Variants in SIM2 observed in about 807,000 individuals in gnomAD.
SIM2 encodes SIM bHLH transcription factor 2.
A neutral mutation model predicts 64.8 loss-of-function variants in SIM2; 28 were observed. That is an observed-to-expected ratio of 0.43 (90% CI 0.32 to 0.59). The LOEUF (loss-of-function observed/expected upper bound fraction) is 0.59, where lower values mean the gene tolerates loss of function less well. Ranked by LOEUF, SIM2 falls within the 20% of genes least tolerant of loss-of-function variation. The pLI is 0.07. For missense variants in SIM2, 847 were observed against 871.4 expected (o/e 0.97, Z 0.35); for synonymous variants, 408 against 391.1 (o/e 1.04, Z -0.51).
At chr21:36,704,401 G>C (rs927650373) in intron 1 of SIM2, among the ~76,000 whole-genome samples, 1 of 152,224 alleles carries the variant, frequency 6.6e-6, no homozygotes, top group African/African-American at 2.4e-5. Context: ...TTTTTACAAC[G>C]CTTTCCCCGT....
chr21:36,742,965 C>T (rs183191979), intron 8 of SIM2, among the ~76,000 whole-genome samples: 106 of 152,326 alleles, frequency 7.0e-4, no homozygotes, highest in South Asian at 2.1e-4. Context: ...GGTGGTCAGG[C>T]TCCCAGACCT....
chr21:36,709,569 G>C (rs1218209224), intron 2 of SIM2: 1 of 497,870 alleles, frequency 2.0e-6, no homozygotes, highest in Non-Finnish European at 3.8e-6. Flanking sequence ...TCCCTCAGCA[G>C]GTTCCACCCA....
rs1416028155 is a variant in SIM2 at position 36,699,407 on chromosome 21, G to T, written c.-340G>T. On this transcript the variant is annotated 5_prime_UTR_variant, in exon 1 of 11. Transcript: ENST00000290399. The surrounding 1 kb of genome is among the most constrained non-coding windows in gnomAD (Gnocchi z 5.6). ...AAGCAGCGCCTCCGCCTCCGCGCCG[G>T]CCGCCCCCACCCCCCAGGAAGGCCG... 1.2e-5 allele frequency: 2 copies of T among 171,812 alleles called. No individual in the cohort carries two copies. The highest frequency in any genetic ancestry group is 2.4e-5 in the Non-Finnish European group (2 of 82,772). 10.6% of individuals were successfully genotyped at this position (171,812 alleles called of 1,614,324 possible). A position where few individuals can be genotyped will look rare whatever the true frequency, so the allele number is the denominator to read the frequency against.
chr21:36,713,322 G>C (rs2088701340), intron 3 of SIM2, among the ~76,000 whole-genome samples: 1 of 152,162 alleles, frequency 6.6e-6, no homozygotes, highest in Non-Finnish European at 1.5e-5. Flanking sequence ...ACTCAGCTTT[G>C]TCTCTCCCTG....
At chr21:36,729,223 G>A (rs1054896971) in intron 6 of SIM2, among the ~76,000 whole-genome samples, 6 of 152,164 alleles carry the variant, frequency 3.9e-5, no homozygotes, top group African/African-American at 9.7e-5. Flanking sequence ...ATCCCCACAC[G>A]GTAGAGATGC....
At chr21:36,743,036 G>C (rs975021193) in intron 8 of SIM2, among the ~76,000 whole-genome samples, 2 of 152,176 alleles carry the variant, frequency 1.3e-5, no homozygotes, top group Non-Finnish European at 2.9e-5. Flanking sequence ...TGGGCCACAG[G>C]TGTGCATGTT....
chr21:36,740,406 G>A, intron 7 of SIM2, among the ~76,000 whole-genome samples: 1 of 152,184 alleles, frequency 6.6e-6, no homozygotes, highest in Non-Finnish European at 1.5e-5. Flanking sequence ...AAACAAGGGA[G>A]TTGGGCATTT....
At position 36,730,873 on chromosome 21, in the gene SIM2, G is replaced by C. The variant is rs2088957092; in HGVS notation, c.744-172G>C. On this transcript the variant is annotated intron_variant, in intron 6 of 10. Transcript: ENST00000290399. ...CATGAATAGTGCTACATCCTGCACC[G>C]GGCTCGAGTTCAAAGACTTGCTTCT... is the stretch of plus-strand genomic sequence containing the variant. 2.0e-5 allele frequency among the ~76,000 whole-genome samples: 3 copies of C among 152,226 alleles called. No individual in the cohort carries two copies. In the South Asian group the frequency reaches 6.2e-4, roughly 32 times the overall value.
Position 36,747,908 on chromosome 21 carries a change from C to G in SIM2, c.1820C>G (p.Ala607Gly). The change falls in exon 11 of 11, where the codon GCC becomes GGC. Residue 607 changes from alanine to glycine, a missense_variant. Ala to Gly is a moderately conservative substitution (Grantham distance 60). This residue lies in a region of SIM2 where 447 missense variants were observed against 414.6 expected (regional missense o/e 1.08). Coordinates refer to ENST00000290399, the MANE Select transcript of SIM2 (RefSeq NM_005069.6). This position sits in a 1 kb window ranked among gnomAD's most constrained non-coding sequence, Gnocchi z 4.5. ...CTGCTCAACTACCACCGCGTGCTGG[C>G]CCGGCGCGGACCGCTGGGGGGCGCC... ...FVLLNYHRVLARRGPLGGAAP... is the reference protein window; with the variant it reads ...FVLLNYHRVLGRRGPLGGAAP... The G allele has an allele frequency of 9.4e-7, 1 of 1,061,686 alleles. No individual in the cohort carries two copies. Among genetic ancestry groups the G allele is most frequent in the South Asian group, 2.6e-5 (1 of 38,580 alleles). 65.8% of individuals were successfully genotyped at this position (1,061,686 alleles called of 1,614,324 possible).
rs1203174434 is a variant in SIM2, at chr21:36,726,462, G to A, written c.743+144G>A. ...TGTGGATTAAGCAAAACCAATTTATGAACTGAAAGAACATATGTCAGCCTT... is the reference window on the plus strand; with the variant it reads ...TGTGGATTAAGCAAAACCAATTTATAAACTGAAAGAACATATGTCAGCCTT... On this transcript the variant is annotated intron_variant, in intron 6 of 10. Coordinates refer to ENST00000290399, the MANE Select transcript of SIM2 (RefSeq NM_005069.6). This position sits in a 1 kb window ranked among gnomAD's most constrained non-coding sequence, Gnocchi z 4.5. 1.7e-5 allele frequency: 11 copies of A among 650,632 alleles called. No homozygotes were observed. Among genetic ancestry groups the A allele is most frequent in the Non-Finnish European group, 2.6e-5 (10 of 381,156 alleles). The allele number at this position is 650,632 out of a possible 1,614,324, so 40.3% of individuals were successfully genotyped here.
Position 36,745,818 on chromosome 21 carries a change from A to G in SIM2, c.1576+682A>G. The G allele has an allele frequency of 1.5e-6, 2 of 1,303,930 alleles. No homozygotes were observed. The highest frequency in any genetic ancestry group is 2.0e-6 in the Non-Finnish European group (2 of 988,798). 80.8% of individuals were successfully genotyped at this position (1,303,930 alleles called of 1,614,324 possible). A position where few individuals can be genotyped will look rare whatever the true frequency, so the allele number is the denominator to read the frequency against. ...AGGCAAGCAGATGTCCTCTGCGGAGATACCGCCAGCTCCCCAGGACGCAGA... is the reference window on the plus strand; with the variant it reads ...AGGCAAGCAGATGTCCTCTGCGGAGGTACCGCCAGCTCCCCAGGACGCAGA... On this transcript the variant is annotated intron_variant, in intron 10 of 10. Coordinates refer to ENST00000290399, the MANE Select transcript of SIM2 (RefSeq NM_005069.6). The surrounding 1 kb of genome is among the most constrained non-coding windows in gnomAD (Gnocchi z 4.8).
In SIM2 at chr21:36,741,848, G is replaced by A. The variant is rs200483038; in HGVS notation, c.982G>A (p.Val328Ile). The A allele has an allele frequency of 6.3e-7, 1 of 1,595,986 alleles. No individual in the cohort carries two copies. Among genetic ancestry groups the A allele is most frequent in the Non-Finnish European group, 8.5e-7 (1 of 1,171,284 alleles). ...GTCCCGGCCCCACTGCATCGTGAGT[G>A]TCAATTATGTACTCACGTAAGTCAC... ...RSSRPHCIVS[V>I]NYVLTEIEYK... Residue 328 changes from valine to isoleucine, a missense_variant, in exon 8 of 11, where the codon GTC becomes ATC. Transcript: ENST00000290399.
At chr21:36,741,620 C>A in intron 7 of SIM2, 97 bp from the exon 8 acceptor site, 1 of 1,424,694 alleles carries the variant, frequency 7.0e-7, no homozygotes, top group African/African-American at 1.4e-5. Context: ...GTCAAGTTCT[C>A]AGAGGTGTCC....
chr21:36,742,391 C>T (rs900223337), intron 8 of SIM2, among the ~76,000 whole-genome samples: 8 of 150,740 alleles, frequency 5.3e-5, no homozygotes, highest in East Asian at 1.9e-4. Flanking sequence ...CAAGTTCAGT[C>T]GCAAATGCCT....
At chr21:36,713,739 A>G (rs1483606444) in intron 3 of SIM2, among the ~76,000 whole-genome samples, 2 of 152,102 alleles carry the variant, frequency 1.3e-5, no homozygotes, top group Admixed American at 1.3e-4. Flanking sequence ...TTCTGCCAAT[A>G]CTTTTTTTTA....
intron 7 of SIM2, among the ~76,000 whole-genome samples, chr21:36,736,661 C>A (rs2089052866): frequency 6.6e-6 from 1 of 152,084 alleles, no homozygotes; most frequent in African/African-American, 2.4e-5. Context: ...CTGGGTGTCA[C>A]CAGGTGAGTC....
At chr21:36,709,742 A>G (rs2088648823) in intron 2 of SIM2, 4 of 298,782 alleles carry the variant, frequency 1.3e-5, no homozygotes, top group South Asian at 1.1e-4. Flanking sequence ...AGCTTACTGC[A>G]AGCCACATTC....
intron 10 of SIM2, chr21:36,746,447 T>G (rs920670138): frequency 7.2e-5 from 11 of 152,314 alleles, no homozygotes; most frequent in Non-Finnish European, 1.6e-4. Flanking sequence ...CTTCTGGGCC[T>G]CATCCTGCTT....
In SIM2 at chr21:36,723,087, T is replaced by C. The variant is rs1389505178; in HGVS notation, c.500T>C (p.Val167Ala). The change falls in exon 5 of 11, where the codon GTC becomes GCC. Residue 167 changes from valine to alanine, a missense_variant. By Grantham distance (64) the Val-to-Ala change is moderately conservative. This residue lies in a region of SIM2 where 397 missense variants were observed against 439.2 expected (regional missense o/e 0.90). Coordinates refer to ENST00000290399, the MANE Select transcript of SIM2 (RefSeq NM_005069.6). ...TCGTTCTTTCTTCGAATGAAATGTG[T>C]CTTGGCGAAAAGGAACGCGGGCCTG... ...ERSFFLRMKCVLAKRNAGLTC... is the reference protein window; with the variant it reads ...ERSFFLRMKCALAKRNAGLTC... The C allele has an allele frequency of 6.2e-7, 1 of 1,614,150 alleles. No individual in the cohort carries two copies. The highest frequency in any genetic ancestry group is 2.2e-5 in the East Asian group (1 of 44,876).
Sources: gnomAD v4.1 joint callset for allele counts (sites outside exome capture counted in the v4.1 genomes callset) on GRCh38, gnomAD v4.1.1 for gene constraint, gnomAD v4.1.1 regional missense constraint, Gnocchi (gnomAD v3.1) non-coding constraint, MANE v1.5 for transcripts, NCBI Gene and HGNC (gene_info 2026-07-23, HGNC 2026-07-21) for gene names.